The following PPP2R3A variants were observed in gnomAD, a reference collection of about 807,000 sequenced individuals.
The protein encoded by PPP2R3A is serine/threonine-protein phosphatase 2A regulatory subunit B'' subunit alpha.
PPP2R3A carries 80 observed loss-of-function variants against 106.9 expected under a neutral mutation model. That is an observed-to-expected ratio of 0.75 (90% CI 0.62 to 0.90). The LOEUF is 0.90. Ranked by LOEUF, PPP2R3A falls within the 40% of genes least tolerant of loss-of-function variation. PPP2R3A has a pLI of 0.00. For synonymous variants in PPP2R3A, 483 were observed against 468.3 expected (o/e 1.03, Z -0.41); for missense variants, 1,386 against 1,350.4 (o/e 1.03, Z -0.41).
chr3:136,018,150 C>A (rs1267251092), intron 2 of PPP2R3A, among the ~76,000 whole-genome samples: 10 of 152,038 alleles, frequency 6.6e-5, no homozygotes, highest in Non-Finnish European at 1.5e-5. Flanking sequence ...GCCTGTAGTC[C>A]CAGCTACTCA....
In PPP2R3A at chr3:136,001,754, T is replaced by A. The variant is rs748556184; in HGVS notation, c.256T>A (p.Tyr86Asn). Residue 86 changes from tyrosine to asparagine, a missense_variant, in exon 2 of 14, where the codon TAT becomes AAT. Physicochemically the swap from Tyr to Asn is moderately radical, Grantham distance 143 (BLOSUM62 -2). Transcript: ENST00000264977. ...ENGLSSAEGD[Y>N]PQQAFTGIPR... The stretch of plus-strand genomic sequence containing the variant: ...TGGGCTTTCTTCGGCTGAAGGAGAC[T>A]ATCCCCAACAGGCCTTCACAGGCAT... 1.2e-6 allele frequency: 2 copies of A among 1,614,184 alleles called. No homozygotes were observed. Among genetic ancestry groups the A allele is most frequent in the Admixed American group, 3.3e-5 (2 of 60,004 alleles).
intron 13 of PPP2R3A, among the ~76,000 whole-genome samples, chr3:136,135,878 TCTA>T (rs1334977995): frequency 6.6e-6 from 1 of 151,304 alleles, no homozygotes; most frequent in African/African-American, 2.4e-5. Context: ...AAACCCCATC[TCTA>T]CTAAAAGTTA....
In PPP2R3A at chr3:136,002,257, C is replaced by A; in HGVS notation, c.759C>A (p.Cys253Ter). 1 of 1,613,692 alleles carries A rather than the reference C, an allele frequency of 6.2e-7. No homozygotes were observed. The highest frequency in any genetic ancestry group is 8.5e-7 in the Non-Finnish European group (1 of 1,179,866). ...AATGCACAGACATCATAAAACAATG[C>A]ATAAAGAAAAAATCAGGGAGTAGCA... ...LKKCTDIIKQCIKKKSGSSIS... is the reference protein window; with the variant it reads ...LKKCTDIIKQ The change falls in exon 2 of 14, where the codon TGC (cysteine) becomes TGA (stop). Residue 253 changes from cysteine (C) to a stop codon, truncating the protein, a stop_gained. Coordinates refer to ENST00000264977, the MANE Select transcript of PPP2R3A (RefSeq NM_002718.5). LOFTEE classifies it high-confidence loss of function.
intron 6 of PPP2R3A, among the ~76,000 whole-genome samples, chr3:136,071,037 T>G (rs1205941655): frequency 6.6e-6 from 1 of 152,258 alleles, no homozygotes; most frequent in African/African-American, 2.4e-5. Context: ...ACTCCCTGTT[T>G]CTCAGGCACA....
At chr3:136,023,478 A>G (rs1221934694) in intron 2 of PPP2R3A, among the ~76,000 whole-genome samples, 1 of 152,148 alleles carries the variant, frequency 6.6e-6, no homozygotes, top group Non-Finnish European at 1.5e-5. Context: ...TTTAGAGACA[A>G]CAAATACAAC....
intron 1 of PPP2R3A, among the ~76,000 whole-genome samples, chr3:135,997,836 T>C (rs957327874): frequency 2.0e-5 from 3 of 152,194 alleles, no homozygotes; most frequent in African/African-American, 7.2e-5. Flanking sequence ...CTACTTGGTT[T>C]AGATTCTCAT....
intron 3 of PPP2R3A, among the ~76,000 whole-genome samples, chr3:136,033,547 C>T (rs182031985): frequency 6.6e-6 from 1 of 152,144 alleles, no homozygotes; most frequent in South Asian, 2.1e-4. Context: ...TTTAAACTAC[C>T]ATTTCAATAT....
At position 136,002,620 on chromosome 3, in the gene PPP2R3A, A is replaced by G. The variant is rs1933678088; in HGVS notation, c.1122A>G (p.Thr374=). Residue 374 remains threonine (T), a synonymous_variant, in exon 2 of 14, where the codon ACA becomes ACG. Transcript: ENST00000264977. ...TACAATCCATTCCAAACAACTCCAC[A>G]AATTCCTTATATAACTTAGAGGTAA... is the stretch of plus-strand genomic sequence containing the variant. ...DTVQSIPNNS[T]NSLYNLEVND... 1 of 1,614,028 alleles carries G rather than the reference A, an allele frequency of 6.2e-7. No homozygotes were observed. Among genetic ancestry groups the G allele is most frequent in the African/African-American group, 1.3e-5 (1 of 75,056 alleles).
At chr3:136,063,553 A>G (rs1161045906) in intron 5 of PPP2R3A, among the ~76,000 whole-genome samples, 8 of 152,248 alleles carry the variant, frequency 5.3e-5, no homozygotes, top group Non-Finnish European at 1.0e-4. Flanking sequence ...TAGAATCTAC[A>G]ATGAACTCCA....
intron 2 of PPP2R3A, among the ~76,000 whole-genome samples, chr3:136,004,262 G>T (rs1486233839): frequency 1.3e-5 from 2 of 152,176 alleles, no homozygotes; most frequent in African/African-American, 4.8e-5. Context: ...TACGTGTGTC[G>T]TAGCACAACA....
chr3:136,136,114 G>C (rs1404066878), intron 13 of PPP2R3A, among the ~76,000 whole-genome samples: 3 of 138,788 alleles, frequency 2.2e-5, no homozygotes, highest in Non-Finnish European at 3.1e-5. Flanking sequence ...ATGGTTAAGA[G>C]CATGAAATTT....
intron 13 of PPP2R3A, among the ~76,000 whole-genome samples, chr3:136,129,268 C>T (rs910652938): frequency 1.5e-4 from 22 of 150,912 alleles, no homozygotes; most frequent in Admixed American, 6.6e-5. Context: ...ATTGATACAC[C>T]TCTACCAAGA....
intron 8 of PPP2R3A, among the ~76,000 whole-genome samples, chr3:136,087,218 TAAATG>T (rs1294079369): frequency 1.4e-5 from 2 of 144,770 alleles, no homozygotes; most frequent in Non-Finnish European, 3.0e-5. Flanking sequence ...AATAAATAAA[TAAATG>T]AAAGAACAGG....
intron 3 of PPP2R3A, among the ~76,000 whole-genome samples, chr3:136,039,187 G>A (rs1390388497): frequency 6.6e-6 from 1 of 152,188 alleles, no homozygotes; most frequent in Non-Finnish European, 1.5e-5. Context: ...TAAGGTGGAT[G>A]CACATCTAGT....
rs1280984698 is a variant in PPP2R3A at position 136,103,467 on chromosome 3, T to G, written c.3222+91T>G. The G allele has an allele frequency of 1.0e-5, 9 of 886,832 alleles. No individual in the cohort carries two copies. The East Asian group carries it at 1.8e-4, about 18-fold the overall frequency. The allele number at this position is 886,832 out of a possible 1,614,324, so 54.9% of individuals were successfully genotyped here. On this transcript the variant is annotated intron_variant, in intron 12 of 13. Transcript: ENST00000264977. ...AACATGGTCTCTGCATGCTGGAATT[T>G]CGGTAAAGAGGTAACATTTGTAACA...
intron 1 of PPP2R3A, among the ~76,000 whole-genome samples, chr3:135,984,269 A>G (rs1003306689): frequency 1.2e-4 from 19 of 152,234 alleles, no homozygotes; most frequent in Non-Finnish European, 2.6e-4. Flanking sequence ...GTATATGACA[A>G]AAGAGCTTTG....
intron 2 of PPP2R3A, among the ~76,000 whole-genome samples, chr3:136,020,349 G>T (rs1934422427): frequency 6.6e-6 from 1 of 151,906 alleles, no homozygotes; most frequent in African/African-American, 2.4e-5. Flanking sequence ...TTTTTTCTGA[G>T]AATGAGTCTC....
At chr3:136,066,572 C>G (rs538070723) in intron 5 of PPP2R3A, among the ~76,000 whole-genome samples, 1 of 152,064 alleles carries the variant, frequency 6.6e-6, no homozygotes, top group Non-Finnish European at 1.5e-5. Flanking sequence ...ACAGGAAGTA[C>G]GGTGCTGGCA....
At chr3:136,053,709 TG>T (rs768992501) in intron 5 of PPP2R3A, among the ~76,000 whole-genome samples, 24 of 152,362 alleles carry the variant, frequency 1.6e-4, no homozygotes, top group Admixed American at 5.9e-4. Flanking sequence ...CTCTTTATTC[TG>T]GCAGTTGGAG....
Sources: allele counts gnomAD v4.1 joint callset (sites outside exome capture counted in the v4.1 genomes callset), GRCh38; gene constraint gnomAD v4.1.1; transcripts MANE v1.5; gene names NCBI Gene and HGNC (gene_info 2026-07-23, HGNC 2026-07-21).